The following NFATC1 variants were observed in gnomAD, a reference collection of about 807,000 sequenced individuals.
NFATC1 encodes the protein nuclear factor of activated T cells 1.
In NFATC1, 22 loss-of-function variants were observed where a neutral mutation model predicts 76.0. That is an observed-to-expected ratio of 0.29 (90% CI 0.21 to 0.41). NFATC1 has a LOEUF of 0.41. Ranked by LOEUF, NFATC1 falls within the 10% of genes least tolerant of loss-of-function variation. NFATC1 has a pLI of 1.00. For synonymous variants in NFATC1, 704 were observed against 613.1 expected (o/e 1.15, Z -2.19); for missense variants, 1,357 against 1,337.7 (o/e 1.01, Z -0.23).
intron 8 of NFATC1, chr18:79,468,811 G>A (rs771333660): frequency 6.6e-6 from 1 of 152,628 alleles, no homozygotes; most frequent in Non-Finnish European, 1.5e-5. Context: ...CAGGGGTGAT[G>A]TGCAGCCCCC....
chr18:79,436,217 GAGGC>G, intron 3 of NFATC1, among the ~76,000 whole-genome samples: 1 of 152,346 alleles, frequency 6.6e-6, no homozygotes, highest in Admixed American at 6.5e-5. Flanking sequence ...TTTCAGAAAC[GAGGC>G]TCATCGCACT....
At chr18:79,398,394 C>T (rs1344557884) in intron 1 of NFATC1, among the ~76,000 whole-genome samples, 1 of 152,268 alleles carries the variant, frequency 6.6e-6, no homozygotes, top group East Asian at 1.9e-4. Flanking sequence ...GGGCTTCTGT[C>T]TCCGCAGACA....
chr18:79,496,972 C>G (rs1660152), intron 9 of NFATC1: 87,074 of 152,120 alleles, frequency 0.57, 27,240 homozygotes, highest in Middle Eastern at 0.71. Flanking sequence ...CGCCAAGGCC[C>G]GCATGCTCTC....
chr18:79,431,227 A>G (rs763369770), intron 2 of NFATC1, among the ~76,000 whole-genome samples: 2 of 152,354 alleles, frequency 1.3e-5, no homozygotes, highest in Non-Finnish European at 2.9e-5. Context: ...AATGTCACAA[A>G]ATATGTAGTC....
At chr18:79,450,363 T>C (rs1378140827) in intron 4 of NFATC1, among the ~76,000 whole-genome samples, 2 of 150,388 alleles carry the variant, frequency 1.3e-5, no homozygotes, top group East Asian at 1.9e-4. Flanking sequence ...CTTTTAAATA[T>C]AGTGGAAATA....
At chr18:79,478,834 G>A (rs2089175466) in intron 8 of NFATC1, among the ~76,000 whole-genome samples, 1 of 152,216 alleles carries the variant, frequency 6.6e-6, no homozygotes, top group South Asian at 2.1e-4. Flanking sequence ...GAGAGAAGCT[G>A]GGCCCCAGAA....
At chr18:79,503,195 G>A (rs568721566) in intron 9 of NFATC1, among the ~76,000 whole-genome samples, 27 of 152,264 alleles carry the variant, frequency 1.8e-4, no homozygotes, top group African/African-American at 6.5e-4. Flanking sequence ...CATGCTCTGG[G>A]AAAAATCCAC....
intron 3 of NFATC1, among the ~76,000 whole-genome samples, chr18:79,438,757 C>T (rs2086869614): frequency 6.6e-6 from 1 of 152,182 alleles, no homozygotes; most frequent in Non-Finnish European, 1.5e-5. Flanking sequence ...AGTCAGGAGG[C>T]CAGACTGGCC....
rs764775561 is a variant in NFATC1 at position 79,410,144 on chromosome 18, G to A, written c.128-259G>A. The A allele has an allele frequency of 6.6e-6, 5 of 760,498 alleles. No individual in the cohort carries two copies. The highest frequency in any genetic ancestry group is 9.6e-6 in the Non-Finnish European group (4 of 417,354). The allele number at this position is 760,498 out of a possible 1,614,324, so 47.1% of individuals were successfully genotyped here. A position where few individuals can be genotyped will look rare whatever the true frequency, so the allele number is the denominator to read the frequency against. ...CCTCTCCCTGGGAAGGACGTTCGGG[G>A]GCTTGTGCTGCTGTTAGGGGAGGAG... is the stretch of plus-strand genomic sequence containing the variant. On this transcript the variant is annotated intron_variant, in intron 1 of 9. Coordinates refer to ENST00000427363, the MANE Select transcript of NFATC1 (RefSeq NM_001278669.2). The surrounding 1 kb of genome is among the most constrained non-coding windows in gnomAD (Gnocchi z 6.7).
In NFATC1 at chr18:79,450,943, GT is replaced by G. The variant is rs1294875312; in HGVS notation, c.1590-7del. 6.2e-7 allele frequency: 1 copy of G among 1,609,236 alleles called. No homozygotes were observed. The highest frequency in any genetic ancestry group is 2.2e-5 in the East Asian group (1 of 44,752). On this transcript the variant is annotated splice_polypyrimidine_tract_variant and intron_variant, in intron 4 of 9. Coordinates refer to ENST00000427363, the MANE Select transcript of NFATC1 (RefSeq NM_001278669.2). ...ATTGAAAGAAAAGCTGTGGGCTTTT[GT>G]TTTGGGCAGCATTGACTGTGCCGGA...
chr18:79,418,875 G>A (rs556075841), intron 2 of NFATC1, among the ~76,000 whole-genome samples: 12 of 152,282 alleles, frequency 7.9e-5, no homozygotes, highest in African/African-American at 2.2e-4. Context: ...TGCGGAGGCC[G>A]AGGGCCTGTG....
chr18:79,479,227 C>T (rs1046138058), intron 8 of NFATC1, among the ~76,000 whole-genome samples: 4 of 152,270 alleles, frequency 2.6e-5, no homozygotes, highest in African/African-American at 7.2e-5. Context: ...CCCATCCTTT[C>T]GCCACCTCTA....
At chr18:79,481,247 C>G (rs1185249912) in intron 8 of NFATC1, among the ~76,000 whole-genome samples, 2 of 152,218 alleles carry the variant, frequency 1.3e-5, no homozygotes, top group African/African-American at 4.8e-5. Flanking sequence ...TGAGGCCCAG[C>G]TGCGTCCGCA....
At chr18:79,488,335 T>A (rs2089579700) in intron 9 of NFATC1, among the ~76,000 whole-genome samples, 2 of 144,110 alleles carry the variant, frequency 1.4e-5, no homozygotes, top group South Asian at 2.2e-4. Flanking sequence ...TGTGTGTGTG[T>A]GAACTTGAGG....
intron 9 of NFATC1, among the ~76,000 whole-genome samples, chr18:79,495,146 A>G (rs1468231451): frequency 6.6e-6 from 1 of 152,240 alleles, no homozygotes; most frequent in African/African-American, 2.4e-5. Flanking sequence ...GGCTGTGCAC[A>G]TCCCGTGTGG....
At chr18:79,474,550 G>A (rs2088958044) in intron 8 of NFATC1, among the ~76,000 whole-genome samples, 1 of 144,304 alleles carries the variant, frequency 6.9e-6, no homozygotes, top group Admixed American at 6.9e-5. Flanking sequence ...ACATTGTGAG[G>A]GAAGTGTATT....
chr18:79,441,735 G>A (rs549114711), intron 3 of NFATC1, among the ~76,000 whole-genome samples: 7 of 152,202 alleles, frequency 4.6e-5, no homozygotes, highest in African/African-American at 7.2e-5. Context: ...TTCTCCCTTC[G>A]TGGCCGTGGG....
chr18:79,483,131 C>T (rs1600879199), intron 8 of NFATC1, among the ~76,000 whole-genome samples: 2 of 92,476 alleles, frequency 2.2e-5, no homozygotes, highest in Non-Finnish European at 4.3e-5. Context: ...GTAATTCCAG[C>T]GTGACCTGGT....
intron 2 of NFATC1, among the ~76,000 whole-genome samples, chr18:79,425,878 C>A (rs55785023): frequency 6.6e-6 from 1 of 152,088 alleles, no homozygotes; most frequent in African/African-American, 2.4e-5. Context: ...TAACAAACAC[C>A]GTTCACTGTA....
Sources: gnomAD v4.1 joint callset for allele counts (sites outside exome capture counted in the v4.1 genomes callset) on GRCh38, gnomAD v4.1.1 for gene constraint, Gnocchi (gnomAD v3.1) non-coding constraint, MANE v1.5 for transcripts, NCBI Gene and HGNC (gene_info 2026-07-23, HGNC 2026-07-21) for gene names.